Variants in CPLX4 observed in about 807,000 individuals in gnomAD.
CPLX4 encodes complexin-4.
Under a neutral mutation model 16.1 loss-of-function variants are expected in CPLX4, and 17 were observed. The ratio of observed to expected loss-of-function variants is 1.06; its 90% CI spans 0.72 to 1.59. CPLX4 has a LOEUF of 1.59. Among genes scored for constraint, CPLX4 ranks in the 40% most tolerant of loss-of-function variants. The pLI is 0.00. For missense variants in CPLX4, 193 were observed against 192.9 expected (o/e 1.00, Z 0.00); for synonymous variants, 55 against 57.8 (o/e 0.95, Z 0.22).
rs1257689630 is a variant in CPLX4, at chr18:59,318,533, G to A, written c.-71C>T. On this transcript the variant is annotated 5_prime_UTR_variant, in exon 1 of 3. Transcript: ENST00000299721. ...AAAAAAAAAATCCAAACAAACCCAA[G>A]AGAAAACCTCCAAATATTCTCAATG... The A allele has an allele frequency of 4.6e-6, 7 of 1,530,502 alleles. No individual in the cohort carries two copies. In the African/African-American group the frequency reaches 8.4e-5, roughly 18 times the overall value. 94.8% of individuals were successfully genotyped at this position (1,530,502 alleles called of 1,614,324 possible).
chr18:59,304,924 AGTGTGTGTGTGT>A (rs56041280), intron 2 of CPLX4, among the ~76,000 whole-genome samples: 51 of 142,240 alleles, frequency 3.6e-4, no homozygotes, highest in East Asian at 2.1e-3. Context: ...CTCAACAATC[AGTGTGTGTGTGT>A]GTGTGTGTGT....
At chr18:59,302,235 A>G (rs945486855) in intron 2 of CPLX4, among the ~76,000 whole-genome samples, 2 of 152,260 alleles carry the variant, frequency 1.3e-5, no homozygotes, top group Non-Finnish European at 2.9e-5. Flanking sequence ...TCTGCTGCCC[A>G]TTGACAAATC....
In CPLX4 at chr18:59,315,557, T is replaced by C. The variant is rs187453282; in HGVS notation, c.167+2739A>G. On this transcript the variant is annotated intron_variant, in intron 1 of 2. Coordinates refer to ENST00000299721, the MANE Select transcript of CPLX4 (RefSeq NM_181654.4). ...TTGAATTTATCATTTAATAATTTTA[T>C]GGTCATTGATATGGTCATTGCCAAT... 2.6e-5 allele frequency among the ~76,000 whole-genome samples: 4 copies of C among 152,338 alleles called. No individual in the cohort carries two copies. The East Asian group carries it at 7.7e-4, about 29-fold the overall frequency.
chr18:59,305,615 G>A (rs1243310530), intron 2 of CPLX4, among the ~76,000 whole-genome samples: 2 of 152,200 alleles, frequency 1.3e-5, no homozygotes. Context: ...GGAGCCTATA[G>A]GAGGAGCAGG....
intron 2 of CPLX4, among the ~76,000 whole-genome samples, chr18:59,299,503 A>T (rs1603391148): frequency 1.3e-5 from 2 of 152,114 alleles, no homozygotes; most frequent in East Asian, 3.9e-4. Context: ...CAGGAGTATA[A>T]AACACCGAAC....
rs118100955 is a variant in CPLX4 at position 59,303,836 on chromosome 18, G to A, written c.256-6911C>T. On this transcript the variant is annotated intron_variant, in intron 2 of 2. Coordinates refer to ENST00000299721, the MANE Select transcript of CPLX4 (RefSeq NM_181654.4). ...GCTCTTTCAAGGACATGAGTAGGAG[G>A]AGCAAACCGAACTGGGGCAGGGTGA... is the stretch of plus-strand genomic sequence containing the variant. Among the ~76,000 whole-genome samples the A allele has an allele frequency of 7.2e-3, 1,095 of 152,270 alleles. 4 individuals carry two copies. Among genetic ancestry groups the A allele is most frequent in the Middle Eastern group, 0.024 (7 of 294 alleles).
chr18:59,311,966 G>A (rs540755082), intron 2 of CPLX4, among the ~76,000 whole-genome samples: 27 of 152,296 alleles, frequency 1.8e-4, no homozygotes, highest in African/African-American at 4.3e-4. Flanking sequence ...ACCAGCAAGC[G>A]ATGGTTCCTT....
rs1345525203 is a variant in CPLX4 at position 59,296,724 on chromosome 18, C to A, written c.457G>T (p.Ala153Ser). The change falls in exon 3 of 3, where the codon GCG (alanine) becomes TCG (serine). Residue 153 changes from alanine to serine, a missense_variant. Coordinates refer to ENST00000299721, the MANE Select transcript of CPLX4 (RefSeq NM_181654.4). The stretch of plus-strand genomic sequence containing the variant: ...CACATCACGGAACACTTCTGCTCCG[C>A]TGTCTGCTTGATTTCAGTGAAGGTG... ...QATFTEIKQT[A>S]EQKCSVM 1 of 1,613,028 alleles carries A rather than the reference C, an allele frequency of 6.2e-7. No individual in the cohort carries two copies. The highest frequency in any genetic ancestry group is 8.5e-7 in the Non-Finnish European group (1 of 1,179,640).
At position 59,318,401 on chromosome 18, in the gene CPLX4, C is replaced by G; in HGVS notation, c.62G>C (p.Gly21Ala). The change falls in exon 1 of 3, where the codon GGG becomes GCG. Residue 21 changes from glycine to alanine, a missense_variant. Coordinates refer to ENST00000299721, the MANE Select transcript of CPLX4 (RefSeq NM_181654.4). ...TCCTTCTTCTTTATTTTCTTCAGAC[C>G]CACCACCAAATCCTAAATTCTTTAC... ...NQVKNLGFGG[G>A]SEENKEEGGA... is the part of the protein sequence containing the mutation. 2 of 1,613,710 alleles carry G rather than the reference C, an allele frequency of 1.2e-6. No individual in the cohort carries two copies. Among genetic ancestry groups the G allele is most frequent in the African/African-American group, 1.3e-5 (1 of 74,982 alleles).
intron 1 of CPLX4, among the ~76,000 whole-genome samples, chr18:59,313,201 G>T (rs916844112): frequency 6.6e-6 from 1 of 152,134 alleles, no homozygotes; most frequent in African/African-American, 2.4e-5. Context: ...CAAGCTCCCC[G>T]AGTGATTCTT....
chr18:59,300,025 A>G (rs1012888615), intron 2 of CPLX4, among the ~76,000 whole-genome samples: 3 of 152,246 alleles, frequency 2.0e-5, no homozygotes, highest in Non-Finnish European at 4.4e-5. Context: ...GCATGTAGAC[A>G]CAGACAATTA....
In CPLX4 at chr18:59,318,321, ACTC is replaced by A; in HGVS notation, c.139_141del (p.Glu47del). The A allele has an allele frequency of 6.2e-7, 1 of 1,607,776 alleles. No individual in the cohort carries two copies. The highest frequency in any genetic ancestry group is 8.5e-7 in the Non-Finnish European group (1 of 1,177,920). On this transcript the variant is annotated inframe_deletion, in exon 1 of 3. Coordinates refer to ENST00000299721, the MANE Select transcript of CPLX4 (RefSeq NM_181654.4). Reference sequence around the variant, plus strand: ...TTCTCCTCAATCATTTGCTTTTGATACTCCTCATACTCCTCTCTAGTCATCCCT... The same window carrying A: ...TTCTCCTCAATCATTTGCTTTTGATACTCATACTCCTCTCTAGTCATCCCT...
In CPLX4 at chr18:59,313,827, G is replaced by A. The variant is rs78347340; in HGVS notation, c.168-1055C>T. On this transcript the variant is annotated intron_variant, in intron 1 of 2. Coordinates refer to ENST00000299721, the MANE Select transcript of CPLX4 (RefSeq NM_181654.4). ...GGTAAGAGATAGGGAAAGAGTGCTCGTGGCCTCTCAACAGCCTTCTGCTTT... is the reference window on the plus strand; with the variant it reads ...GGTAAGAGATAGGGAAAGAGTGCTCATGGCCTCTCAACAGCCTTCTGCTTT... Among the ~76,000 whole-genome samples the A allele has an allele frequency of 5.0e-3, 751 of 150,912 alleles. 2 individuals are homozygous for A. Among genetic ancestry groups the A allele is most frequent in the Non-Finnish European group, 8.2e-3 (556 of 67,592 alleles).
chr18:59,305,654 T>G (rs989037174), intron 2 of CPLX4, among the ~76,000 whole-genome samples: 1 of 152,144 alleles, frequency 6.6e-6, no homozygotes, highest in Non-Finnish European at 1.5e-5. Context: ...AAGTGAGTTT[T>G]GGATATGAGC....
chr18:59,315,553 T>G (rs1353109526), intron 1 of CPLX4, among the ~76,000 whole-genome samples: 2 of 152,192 alleles, frequency 1.3e-5, no homozygotes, highest in Non-Finnish European at 2.9e-5. Context: ...ATTTAATAAT[T>G]TTATGGTCAT....
intron 1 of CPLX4, among the ~76,000 whole-genome samples, chr18:59,313,384 G>C (rs1377058714): frequency 3.3e-5 from 5 of 152,094 alleles, no homozygotes; most frequent in Non-Finnish European, 5.9e-5. Flanking sequence ...AACAAGGCAG[G>C]GTATGTTTCC....
rs565237202 is a variant in CPLX4, at chr18:59,303,915, C to T, written c.256-6990G>A. Among the ~76,000 whole-genome samples the T allele has an allele frequency of 3.9e-5, 6 of 152,316 alleles. No individual in the cohort carries two copies. In the South Asian group the frequency reaches 1.2e-3, roughly 32 times the overall value. On this transcript the variant is annotated intron_variant, in intron 2 of 2. Coordinates refer to ENST00000299721, the MANE Select transcript of CPLX4 (RefSeq NM_181654.4). ...GGGGCCTCTGATGGCCTTCCCACCGCCTGGCCACCAGAAACAGCTGCTCAG... is the reference window on the plus strand; with the variant it reads ...GGGGCCTCTGATGGCCTTCCCACCGTCTGGCCACCAGAAACAGCTGCTCAG...
In CPLX4 at chr18:59,296,433, T is replaced by C. The variant is rs1404841649; in HGVS notation, c.*265A>G. 2.0e-6 allele frequency: 1 copy of C among 496,732 alleles called. No homozygotes were observed. The highest frequency in any genetic ancestry group is 3.5e-6 in the Non-Finnish European group (1 of 282,180). 30.8% of individuals were successfully genotyped at this position (496,732 alleles called of 1,614,324 possible). ...GCTCATCTCAAGGTCTTTAAGCAGA[T>C]ATGTGTTCTGCATCATCATTTACAA... On this transcript the variant is annotated 3_prime_UTR_variant, in exon 3 of 3. Coordinates refer to ENST00000299721, the MANE Select transcript of CPLX4 (RefSeq NM_181654.4).
intron 2 of CPLX4, among the ~76,000 whole-genome samples, chr18:59,308,201 A>T (rs991770556): frequency 1.3e-5 from 2 of 152,170 alleles, no homozygotes; most frequent in African/African-American, 4.8e-5. Flanking sequence ...AGTTGGCTGA[A>T]TTCAGTATTA....
Sources: allele counts gnomAD v4.1 joint callset (sites outside exome capture counted in the v4.1 genomes callset), GRCh38; gene constraint gnomAD v4.1.1; transcripts MANE v1.5; gene names NCBI Gene and HGNC (gene_info 2026-07-23, HGNC 2026-07-21).